The following PAN2 variants were observed in gnomAD, a reference collection of about 807,000 sequenced individuals.
PAN2 encodes the protein poly(A) specific ribonuclease subunit PAN2, also known as PAN2-PAN3 deadenylation complex catalytic subunit PAN2.
In PAN2, 68 loss-of-function variants were observed where a neutral mutation model predicts 133.3. That is an observed-to-expected ratio of 0.51 (90% CI 0.42 to 0.62). The LOEUF (loss-of-function observed/expected upper bound fraction) is 0.62, where lower values mean the gene tolerates loss of function less well. PAN2 is among the 20% of genes least tolerant of loss of function. PAN2 has a pLI of 0.00. For synonymous variants in PAN2, 462 were observed against 544.6 expected (o/e 0.85, Z 2.11); for missense variants, 1,042 against 1,500.5 (o/e 0.69, Z 5.05).
chr12:56,332,696 G>GCTGT, intron 2 of PAN2, 117 bp downstream of exon 2: 1 of 951,386 alleles, frequency 1.1e-6, no homozygotes, highest in Admixed American at 2.1e-5. Context: ...ACCAGACCCA[G>GCTGT]CTGTCTCATC....
rs1592439204 is a variant in PAN2, at chr12:56,325,410, G to A, written c.1404C>T (p.Phe468=). ...LKESDSEFDS[F]SQVTESPVGR... is the part of the protein sequence containing the mutation. ...CTACTGGTGACTCAGTGACCTGGCT[G>A]AAGCTGTCAAATTCACTGTCTGACT... is the stretch of plus-strand genomic sequence containing the variant. The change falls in exon 9 of 26, where the codon TTC becomes TTT. Residue 468 remains phenylalanine (F), a synonymous_variant. Transcript: ENST00000440411. 3.1e-6 allele frequency: 5 copies of A among 1,614,176 alleles called. No individual in the cohort carries two copies. The highest frequency in any genetic ancestry group is 4.2e-6 in the Non-Finnish European group (5 of 1,179,994).
intron 2 of PAN2, among the ~76,000 whole-genome samples, chr12:56,330,363 T>TTC (rs1441291267): frequency 9.6e-6 from 1 of 104,176 alleles, no homozygotes; most frequent in East Asian, 3.4e-4. Context: ...CTTTTTTTTT[T>TTC]TTTTTTTTTT....
In PAN2 at chr12:56,327,918, T is replaced by C. The variant is rs553204577; in HGVS notation, c.651+77A>G. On this transcript the variant is annotated intron_variant, in intron 5 of 25. Coordinates refer to ENST00000440411, the MANE Select transcript of PAN2 (RefSeq NM_014871.6). Reference sequence around the variant, plus strand: ...CCTCCAATCCAACTACACCCCAGAGTTAAGGGAAAGCAGATCGCAATCAGG... The same window carrying C: ...CCTCCAATCCAACTACACCCCAGAGCTAAGGGAAAGCAGATCGCAATCAGG... The C allele has an allele frequency of 2.6e-5, 41 of 1,597,278 alleles. No individual in the cohort carries two copies. In the South Asian group the frequency reaches 4.2e-4, roughly 16 times the overall value.
chr12:56,323,170 G>C lies in PAN2; in HGVS notation c.2385C>G (p.Pro795=), dbSNP rs764002175. 11 of 1,614,108 alleles carry C rather than the reference G, an allele frequency of 6.8e-6. No homozygotes were observed. The African/African-American group carries it at 8.0e-5, about 12-fold the overall frequency. ...AGACGTTCTTCAACTCCTCAATGGA[G>C]GGACACACCAGCACACCCTCTGGAC... is the stretch of plus-strand genomic sequence containing the variant. ...LGSPEGVLVC[P]SIEELKNVWL... Residue 795 remains proline (P), a synonymous_variant, in exon 17 of 26, where the codon CCC becomes CCG. Transcript: ENST00000440411.
At position 56,326,738 on chromosome 12, in the gene PAN2, C is replaced by T. The variant is rs1159830852; in HGVS notation, c.1141G>A (p.Asp381Asn). The change falls in exon 7 of 26, where the codon GAC becomes AAC. Residue 381 changes from aspartate (D) to asparagine (N), a missense_variant. Physicochemically the swap from Asp to Asn is conservative, Grantham distance 23 (BLOSUM62 1). Coordinates refer to ENST00000440411, the MANE Select transcript of PAN2 (RefSeq NM_014871.6). ...CTCCAGTCCAGAGGAGGCAGTGAGTCCACGAGACACGGCAAAGCAAACTCA... is the reference window on the plus strand; with the variant it reads ...CTCCAGTCCAGAGGAGGCAGTGAGTTCACGAGACACGGCAAAGCAAACTCA... ...ETEFALPCLV[D>N]SLPPLDWSQD... is the part of the protein sequence containing the mutation. 2.5e-6 allele frequency: 4 copies of T among 1,613,960 alleles called. No individual in the cohort carries two copies. In the African/African-American group the frequency reaches 5.3e-5, roughly 22 times the overall value.
rs754047255 is a variant in PAN2 at position 56,319,399 on chromosome 12, G to A, written c.3179C>T (p.Ser1060Phe). The A allele has an allele frequency of 4.3e-6, 7 of 1,614,052 alleles. No individual in the cohort carries two copies. The African/African-American group carries it at 6.7e-5, about 15-fold the overall frequency. ...ISSKHLTTLK[S>F]TYLKLRFLID... ...GAGAAAACGAAGCTTTAAGTAGGTA[G>A]ACTTGAGAGTTGTTAGGTGCTTGGA... Residue 1060 changes from serine (S) to phenylalanine (F), a missense_variant, in exon 23 of 26, where the codon TCT becomes TTT. Physicochemically the swap from Ser to Phe is radical, Grantham distance 155 (BLOSUM62 -2). Transcript: ENST00000440411. This position sits in a 1 kb window ranked among gnomAD's most constrained non-coding sequence, Gnocchi z 5.4.
At chr12:56,331,265 C>A (rs976454152) in intron 2 of PAN2, among the ~76,000 whole-genome samples, 2 of 152,190 alleles carry the variant, frequency 1.3e-5, no homozygotes, top group Non-Finnish European at 2.9e-5. Flanking sequence ...TCCGGTAAAT[C>A]CTAATTGCTT....
intron 7 of PAN2, 31 bp downstream of exon 7, chr12:56,326,586 C>T: frequency 6.3e-7 from 1 of 1,583,180 alleles, no homozygotes; most frequent in Non-Finnish European, 8.6e-7. Flanking sequence ...CCCTGTCCCT[C>T]CCGCCTTTTG....
At chr12:56,325,517 TTA>T (rs1875013522) in intron 8 of PAN2, 63 bp from the exon 9 acceptor site, 2 of 1,588,726 alleles carry the variant, frequency 1.3e-6, no homozygotes, top group South Asian at 1.1e-5. Context: ...TCACACTCAT[TTA>T]TCCCAACATT....
In PAN2 at chr12:56,324,370, G is replaced by A. The variant is rs146535950; in HGVS notation, c.1852C>T (p.Arg618Cys). Residue 618 changes from arginine (R) to cysteine (C), a missense_variant, in exon 12 of 26, where the codon CGC becomes TGC. Arg to Cys is a radical substitution (Grantham distance 180). Transcript: ENST00000440411. ...TGATGCAGTTGAGTGAGAATGAAGC[G>A]ATTCCACCTCTGAATGAGCCTGGCC... ...NLARLIQRWN[R>C]FILTQLHQDM... 5.0e-6 allele frequency: 8 copies of A among 1,614,050 alleles called. No homozygotes were observed. Among genetic ancestry groups the A allele is most frequent in the Non-Finnish European group, 5.9e-6 (7 of 1,180,038 alleles).
Position 56,326,821 on chromosome 12 carries a change from C to T in PAN2, c.1058G>A (p.Cys353Tyr). The T allele has an allele frequency of 1.9e-6, 3 of 1,614,214 alleles. No homozygotes were observed. The highest frequency in any genetic ancestry group is 1.1e-5 in the South Asian group (1 of 91,078). ...CGGGGAATCAGTCCAGAGGTGCACACAGCCCTCAGAATCCCCAAAGGCCAG... is the reference window on the plus strand; with the variant it reads ...CGGGGAATCAGTCCAGAGGTGCACATAGCCCTCAGAATCCCCAAAGGCCAG... ...QALAFGDSEG[C>Y]VHLWTDSPEP... Residue 353 changes from cysteine (C) to tyrosine (Y), a missense_variant, in exon 7 of 26, where the codon TGT becomes TAT. Physicochemically the swap from Cys to Tyr is radical, Grantham distance 194. Coordinates refer to ENST00000440411, the MANE Select transcript of PAN2 (RefSeq NM_014871.6).
chr12:56,322,353 T>C (rs1874651030), intron 19 of PAN2, 70 bp downstream of exon 19: 3 of 1,320,106 alleles, frequency 2.3e-6, no homozygotes, highest in East Asian at 2.3e-5. Flanking sequence ...TGGCATTCTA[T>C]AGAGCCCTAA....
rs969167757 is a variant in PAN2, at chr12:56,317,500, C to T, written c.*109G>A. The T allele has an allele frequency of 1.2e-5, 10 of 846,220 alleles. No homozygotes were observed. The highest frequency in any genetic ancestry group is 1.7e-5 in the African/African-American group (1 of 60,310). The allele number at this position is 846,220 out of a possible 1,614,324, so 52.4% of individuals were successfully genotyped here. On this transcript the variant is annotated 3_prime_UTR_variant, in exon 26 of 26. Transcript: ENST00000440411. ...CATCTGTGACCCTAGACCCTGAGCA[C>T]GTCCAGTACTGGAAGTGGACAAGGT...
Position 56,319,952 on chromosome 12 carries a change from T to A in PAN2, c.2858A>T (p.His953Leu). 1 of 1,614,166 alleles carries A rather than the reference T, an allele frequency of 6.2e-7. No homozygotes were observed. The highest frequency in any genetic ancestry group is 8.5e-7 in the Non-Finnish European group (1 of 1,180,020). Reference sequence around the variant, plus strand: ...CAGCATCAGTGGAATAAAGGTAGTATGTGTTTTCCGCTGCTTCCGTGCCAG... The same window carrying A: ...CAGCATCAGTGGAATAAAGGTAGTAAGTGTTTTCCGCTGCTTCCGTGCCAG... ...ASLARKQRKT[H>L]TTFIPLMLNE... Residue 953 changes from histidine to leucine, a missense_variant, in exon 21 of 26, where the codon CAT becomes CTT. Transcript: ENST00000440411. The surrounding 1 kb of genome is among the most constrained non-coding windows in gnomAD (Gnocchi z 5.4).
chr12:56,317,894 A>G (rs1373287463), intron 25 of PAN2, among the ~76,000 whole-genome samples: 1 of 152,106 alleles, frequency 6.6e-6, no homozygotes, highest in Non-Finnish European at 1.5e-5. Context: ...AATCCACCCA[A>G]TTGGGGGCGC....
chr12:56,328,216 C>A lies in PAN2; in HGVS notation c.573+22G>T. 2.5e-6 allele frequency: 4 copies of A among 1,587,102 alleles called. No homozygotes were observed. In the South Asian group the frequency reaches 3.4e-5, roughly 14 times the overall value. On this transcript the variant is annotated intron_variant, in intron 4 of 25. Coordinates refer to ENST00000440411, the MANE Select transcript of PAN2 (RefSeq NM_014871.6). Reference sequence around the variant, plus strand: ...CAACAACCTCAGACCCCACATAGGTCTTTCTTGCCCCAAGCTTGTACCTTC... The same window carrying A: ...CAACAACCTCAGACCCCACATAGGTATTTCTTGCCCCAAGCTTGTACCTTC...
At chr12:56,326,549 C>A in intron 7 of PAN2, 68 bp downstream of exon 7, 1 of 1,524,938 alleles carries the variant, frequency 6.6e-7, no homozygotes, top group Non-Finnish European at 8.8e-7. Context: ...ACAGGGCTAG[C>A]AGAGAATTCT....
In PAN2 at chr12:56,322,202, A is replaced by T. The variant is rs1314220249; in HGVS notation, c.2698-34T>A. 5 of 1,354,800 alleles carry T rather than the reference A, an allele frequency of 3.7e-6. No individual in the cohort carries two copies. In the South Asian group the frequency reaches 5.9e-5, roughly 16 times the overall value. 83.9% of individuals were successfully genotyped at this position (1,354,800 alleles called of 1,614,324 possible). A position where few individuals can be genotyped will look rare whatever the true frequency, so the allele number is the denominator to read the frequency against. On this transcript the variant is annotated intron_variant, in intron 19 of 25. Transcript: ENST00000440411. The stretch of plus-strand genomic sequence containing the variant: ...GAGAAAAAGCACTTATGGCTAATGT[A>T]TATCACCCTTTTCCTTTTCCCCCAC...
chr12:56,332,735 C>G, intron 2 of PAN2, 78 bp downstream of exon 2: 3 of 1,487,778 alleles, frequency 2.0e-6, no homozygotes, highest in Non-Finnish European at 2.8e-6. Context: ...TGGCTATCTG[C>G]AAAGCAGCTT....
Sources: allele counts gnomAD v4.1 joint callset (sites outside exome capture counted in the v4.1 genomes callset), GRCh38; gene constraint gnomAD v4.1.1; non-coding constraint Gnocchi (gnomAD v3.1); transcripts MANE v1.5; gene names NCBI Gene and HGNC (gene_info 2026-07-23, HGNC 2026-07-21).